DLG2: variants seen among roughly 807,000 people sequenced by gnomAD.
DLG2 encodes the protein discs large MAGUK scaffold protein 2, also known as disks large homolog 2.
In DLG2, 45 loss-of-function variants were observed where a neutral mutation model predicts 132.5. That is an observed-to-expected ratio of 0.34 (90% CI 0.27 to 0.44). The LOEUF is 0.44. Among genes scored for constraint, DLG2 ranks in the 20% least tolerant of loss-of-function variants. The probability of loss-of-function intolerance (pLI) is 1.00; values close to 1 mark genes in which losing one functional copy is unlikely to be tolerated. For synonymous variants in DLG2, 424 were observed against 419.6 expected, an observed-to-expected ratio of 1.01 and a Z score of -0.13; for missense variants, 1,045 against 1,196.9, an observed-to-expected ratio of 0.87 and a Z score of 1.87.
chr11:85,398,634 A>G (rs1327438791), intron 3 of DLG2, among the ~76,000 whole-genome samples: 4 of 152,188 alleles, frequency 2.6e-5, no homozygotes, highest in African/African-American at 9.6e-5. Context: ...CTACCATCAG[A>G]GAATACTATA....
chr11:85,497,997 G>A lies in DLG2; in HGVS notation c.40+100660C>T, dbSNP rs571110354. On this transcript the variant is annotated intron_variant, in intron 3 of 27. Transcript: ENST00000376104. ...AGCATGCCAAATTGTAAAGACCATCGATGCTATGAAGAAACCACATCAATT... is the reference window on the plus strand; with the variant it reads ...AGCATGCCAAATTGTAAAGACCATCAATGCTATGAAGAAACCACATCAATT... Among the ~76,000 whole-genome samples the A allele has an allele frequency of 5.3e-5, 8 of 152,214 alleles. No homozygotes were observed. The South Asian group carries it at 6.2e-4, about 12-fold the overall frequency.
intron 5 of DLG2, among the ~76,000 whole-genome samples, chr11:85,147,774 A>G (rs2076960833): frequency 1.3e-5 from 2 of 152,170 alleles, no homozygotes; most frequent in Admixed American, 6.5e-5. Context: ...GTTCCAGGAT[A>G]CAGACGCAGA....
At chr11:84,461,709 T>A (rs1195968782) in intron 7 of DLG2, among the ~76,000 whole-genome samples, 1 of 150,972 alleles carries the variant, frequency 6.6e-6, no homozygotes, top group East Asian at 1.9e-4. Context: ...AATTAAAAGT[T>A]AACTGGCAGG....
At chr11:85,021,628 G>A in intron 6 of DLG2, 1 of 1,279,836 alleles carries the variant, frequency 7.8e-7, no homozygotes, top group East Asian at 2.3e-5. Context: ...GCGAGGATCT[G>A]TCTTGTTGGT....
chr11:83,600,741 C>G (rs2058403170), intron 19 of DLG2, among the ~76,000 whole-genome samples: 1 of 152,216 alleles, frequency 6.6e-6, no homozygotes, highest in Non-Finnish European at 1.5e-5. Context: ...AGCACATGTT[C>G]AGTCACCTCA....
At chr11:85,057,764 A>C (rs527538827) in intron 6 of DLG2, among the ~76,000 whole-genome samples, 3 of 151,632 alleles carry the variant, frequency 2.0e-5, no homozygotes, top group Admixed American at 2.0e-4. Context: ...AAACAGCTAC[A>C]TATGAAAAGA....
chr11:84,176,390 T>C (rs1035798192), intron 8 of DLG2, among the ~76,000 whole-genome samples: 9 of 149,602 alleles, frequency 6.0e-5, no homozygotes, highest in African/African-American at 2.2e-4. Flanking sequence ...ATATATAACA[T>C]ATAAGCTTTA....
intron 15 of DLG2, among the ~76,000 whole-genome samples, chr11:83,908,264 A>C (rs1258117368): frequency 6.6e-6 from 1 of 152,062 alleles, no homozygotes; most frequent in African/African-American, 2.4e-5. Context: ...GAGTTCATAG[A>C]TGCCTTCTCA....
chr11:84,153,420 T>C (rs952297344), intron 9 of DLG2, among the ~76,000 whole-genome samples: 6 of 152,314 alleles, frequency 3.9e-5, no homozygotes, highest in Admixed American at 3.9e-4. Flanking sequence ...ATGAATTATA[T>C]CCTCAAATAC....
chr11:83,610,693 T>A (rs1235908899), intron 19 of DLG2, among the ~76,000 whole-genome samples: 1 of 152,058 alleles, frequency 6.6e-6, no homozygotes. Flanking sequence ...ATAATAATAA[T>A]AAATAATGAC....
chr11:84,001,975 A>G (rs1209923148), intron 11 of DLG2, among the ~76,000 whole-genome samples: 5 of 152,142 alleles, frequency 3.3e-5, no homozygotes, highest in Non-Finnish European at 7.4e-5. Flanking sequence ...AGCAATAAAC[A>G]TCATAAACAA....
At chr11:83,719,236 C>T (rs1439535796) in intron 18 of DLG2, among the ~76,000 whole-genome samples, 1 of 152,116 alleles carries the variant, frequency 6.6e-6, no homozygotes, top group Non-Finnish European at 1.5e-5. Context: ...GACTGAGAAG[C>T]CCATGAAGCA....
chr11:84,950,293 A>C (rs1384467527), intron 6 of DLG2, among the ~76,000 whole-genome samples: 3 of 152,194 alleles, frequency 2.0e-5, no homozygotes, highest in Non-Finnish European at 4.4e-5. Flanking sequence ...TAATAAAAAA[A>C]AATCTATGGC....
intron 6 of DLG2, among the ~76,000 whole-genome samples, chr11:85,072,071 A>G (rs1566789763): frequency 6.6e-6 from 1 of 151,920 alleles, no homozygotes; most frequent in Non-Finnish European, 1.5e-5. Flanking sequence ...GCAATAAAAC[A>G]TGAATACAAA....
At chr11:85,257,102 G>T (rs868445206) in intron 4 of DLG2, among the ~76,000 whole-genome samples, 22 of 152,326 alleles carry the variant, frequency 1.4e-4, no homozygotes, top group Middle Eastern at 6.8e-3. Context: ...GATAAAGATT[G>T]ATGCATGCTG....
intron 15 of DLG2, among the ~76,000 whole-genome samples, chr11:83,896,308 G>A (rs754785403): frequency 2.0e-4 from 31 of 152,198 alleles, no homozygotes; most frequent in Non-Finnish European, 4.0e-4. Flanking sequence ...AGAGGTAGAC[G>A]ATTTAAGCAA....
chr11:84,321,231 C>A (rs974463778), intron 7 of DLG2, among the ~76,000 whole-genome samples: 1 of 152,096 alleles, frequency 6.6e-6, no homozygotes, highest in Non-Finnish European at 1.5e-5. Flanking sequence ...ACCATGATGA[C>A]CACTGTGATG....
intron 7 of DLG2, among the ~76,000 whole-genome samples, chr11:84,428,010 A>G (rs1351214286): frequency 6.6e-6 from 1 of 152,178 alleles, no homozygotes; most frequent in Non-Finnish European, 1.5e-5. Context: ...AAGAGAAGAA[A>G]AGTATTTTGT....
chr11:85,157,912 G>A (rs1174899732), intron 4 of DLG2, among the ~76,000 whole-genome samples: 2 of 151,904 alleles, frequency 1.3e-5, no homozygotes, highest in African/African-American at 4.8e-5. Flanking sequence ...TCCCCTCCCC[G>A]ACCCATTAGC....
Sources: gnomAD v4.1 joint callset for allele counts (sites outside exome capture counted in the v4.1 genomes callset) on GRCh38, gnomAD v4.1.1 for gene constraint, MANE v1.5 for transcripts, NCBI Gene and HGNC (gene_info 2026-07-23, HGNC 2026-07-21) for gene names.